The following LPAR3 variants were observed in gnomAD, a reference collection of about 807,000 sequenced individuals.
LPAR3 encodes the protein LPA receptor 3.
A neutral mutation model predicts 17.8 loss-of-function variants in LPAR3; 7 were observed. The observed-to-expected ratio is 0.39, with a 90% CI of 0.22 to 0.74. The LOEUF is 0.74. LPAR3 is among the 30% of genes least tolerant of loss of function. The probability of loss-of-function intolerance (pLI) is 0.40; values close to 1 mark genes in which losing one functional copy is unlikely to be tolerated. For missense variants in LPAR3, 391 were observed against 453.4 expected (o/e 0.86, Z 1.25); for synonymous variants, 179 against 179.9 (o/e 0.99, Z 0.04).
chr1:84,858,638 C>A (rs1039520936), intron 2 of LPAR3, among the ~76,000 whole-genome samples: 2 of 152,092 alleles, frequency 1.3e-5, no homozygotes, highest in African/African-American at 4.8e-5. Flanking sequence ...TTTGAAAAGC[C>A]ACTTACCTTC....
At chr1:84,815,969 A>G (rs1175338976) in intron 2 of LPAR3, among the ~76,000 whole-genome samples, 3 of 152,104 alleles carry the variant, frequency 2.0e-5, no homozygotes, top group Non-Finnish European at 4.4e-5. Flanking sequence ...GAGATAAGAG[A>G]TCAGAGATTT....
At chr1:84,856,699 C>A (rs920918729) in intron 2 of LPAR3, among the ~76,000 whole-genome samples, 1 of 152,192 alleles carries the variant, frequency 6.6e-6, no homozygotes, top group East Asian at 1.9e-4. Context: ...TAGCAGCTGA[C>A]GAACTAGCTA....
At chr1:84,868,724 A>G (rs1281855523) in intron 1 of LPAR3, among the ~76,000 whole-genome samples, 4 of 152,180 alleles carry the variant, frequency 2.6e-5, no homozygotes, top group South Asian at 4.1e-4. Context: ...CCACACTGCC[A>G]TTCAAGGACA....
At position 84,866,148 on chromosome 1, in the gene LPAR3, A is replaced by C; in HGVS notation, c.-18-10T>G. On this transcript the variant is annotated splice_polypyrimidine_tract_variant and intron_variant, in intron 1 of 2. Transcript: ENST00000370611. Reference sequence around the variant, plus strand: ...TGGAGAAGTGAACATCCTAGAAAGAAATTTAAAGAAGAAACAAATATCATT... The same window carrying C: ...TGGAGAAGTGAACATCCTAGAAAGACATTTAAAGAAGAAACAAATATCATT... 6.5e-7 allele frequency: 1 copy of C among 1,534,670 alleles called. No individual in the cohort carries two copies. The highest frequency in any genetic ancestry group is 2.3e-5 in the East Asian group (1 of 44,320).
chr1:84,869,745 A>C, intron 1 of LPAR3, among the ~76,000 whole-genome samples: 1 of 152,240 alleles, frequency 6.6e-6, no homozygotes, highest in Admixed American at 6.5e-5. Context: ...TATTCTACTT[A>C]ATGTATTCTA....
Position 84,819,706 on chromosome 1 carries a change from C to G in LPAR3, c.737-5535G>C, listed in dbSNP as rs565169977. Among the ~76,000 whole-genome samples, 3 of 152,278 alleles carry G rather than the reference C, an allele frequency of 2.0e-5. No homozygotes were observed. The East Asian group carries it at 5.8e-4, about 29-fold the overall frequency. On this transcript the variant is annotated intron_variant, in intron 2 of 2. Coordinates refer to ENST00000370611, the MANE Select transcript of LPAR3 (RefSeq NM_012152.3). ...GAGCACATACGCAAAAATAAATATA[C>G]AAAGAGTGGCAGCAAAAGTAGTCTA...
Position 84,814,283 on chromosome 1 carries a change from T to G in LPAR3, c.737-112A>C, listed in dbSNP as rs914260969. ...CATCAAGGGGCCCTCATGATTTGTT[T>G]TGACAACTGCAAGGCAAACTTCCAC... On this transcript the variant is annotated intron_variant, in intron 2 of 2. Transcript: ENST00000370611. 32 of 845,148 alleles carry G rather than the reference T, an allele frequency of 3.8e-5. No homozygotes were observed. In the South Asian group the frequency reaches 5.2e-4, roughly 14 times the overall value. 52.4% of individuals were successfully genotyped at this position (845,148 alleles called of 1,614,324 possible).
intron 2 of LPAR3, among the ~76,000 whole-genome samples, chr1:84,846,628 C>A (rs1570878927): frequency 1.3e-5 from 2 of 152,112 alleles, no homozygotes; most frequent in East Asian, 3.8e-4. Flanking sequence ...TGTAAGAGGT[C>A]AGTGAGAAGT....
At chr1:84,835,350 T>C (rs1659373500) in intron 2 of LPAR3, among the ~76,000 whole-genome samples, 1 of 152,214 alleles carries the variant, frequency 6.6e-6, no homozygotes, top group Non-Finnish European at 1.5e-5. Context: ...CCCCACAGCA[T>C]TTCTGGTTCA....
intron 2 of LPAR3, among the ~76,000 whole-genome samples, chr1:84,850,075 C>G (rs1193957857): frequency 6.6e-6 from 1 of 152,060 alleles, no homozygotes; most frequent in Non-Finnish European, 1.5e-5. Context: ...GTAAGGGAGC[C>G]AGAGGAGCAT....
intron 2 of LPAR3, among the ~76,000 whole-genome samples, chr1:84,824,926 C>T (rs192623298): frequency 4.9e-4 from 74 of 152,302 alleles, no homozygotes; most frequent in African/African-American, 1.7e-3. Flanking sequence ...CAGTGCTTAG[C>T]CAAATGCTAT....
At chr1:84,842,544 T>C (rs1659522828) in intron 2 of LPAR3, among the ~76,000 whole-genome samples, 1 of 152,248 alleles carries the variant, frequency 6.6e-6, no homozygotes, top group African/African-American at 2.4e-5. Flanking sequence ...TGCACTTAAG[T>C]AGATTAGTTT....
intron 2 of LPAR3, among the ~76,000 whole-genome samples, chr1:84,833,576 G>A (rs1659334405): frequency 6.6e-6 from 1 of 152,208 alleles, no homozygotes; most frequent in Admixed American, 6.5e-5. Flanking sequence ...AACAGCATCG[G>A]TCAGAGGGGC....
At chr1:84,840,637 A>G (rs1351743564) in intron 2 of LPAR3, among the ~76,000 whole-genome samples, 1 of 152,234 alleles carries the variant, frequency 6.6e-6, no homozygotes, top group East Asian at 1.9e-4. Context: ...GAGAATGTTT[A>G]GGACCAAAGA....
intron 1 of LPAR3, among the ~76,000 whole-genome samples, chr1:84,881,208 T>C (rs942682): frequency 0.29 from 44,341 of 151,170 alleles, 7,302 homozygotes; most frequent in African/African-American, 0.44. Flanking sequence ...TTGTGAGGCA[T>C]GGTAGGGGCA....
chr1:84,816,911 T>C (rs1000677035), intron 2 of LPAR3, among the ~76,000 whole-genome samples: 2 of 152,238 alleles, frequency 1.3e-5, no homozygotes, highest in South Asian at 2.1e-4. Flanking sequence ...TCCTCTGCAA[T>C]AGCCCAGGAA....
intron 1 of LPAR3, among the ~76,000 whole-genome samples, chr1:84,875,309 T>C (rs1036416218): frequency 7.9e-5 from 12 of 152,262 alleles, no homozygotes; most frequent in Admixed American, 1.3e-4. Context: ...TCAAAGTGCT[T>C]GTTTATACCA....
intron 1 of LPAR3, among the ~76,000 whole-genome samples, chr1:84,890,596 T>A (rs529580479): frequency 6.6e-6 from 1 of 152,346 alleles, no homozygotes; most frequent in East Asian, 1.9e-4. Flanking sequence ...TGGTCTTCCA[T>A]TTATACTGCA....
intron 2 of LPAR3, among the ~76,000 whole-genome samples, chr1:84,822,585 C>T (rs996801167): frequency 6.6e-6 from 1 of 152,122 alleles, no homozygotes; most frequent in African/African-American, 2.4e-5. Context: ...TGGAAGTTTA[C>T]AAAATACCTC....
Sources: gnomAD v4.1 joint callset for allele counts (sites outside exome capture counted in the v4.1 genomes callset) on GRCh38, gnomAD v4.1.1 for gene constraint, MANE v1.5 for transcripts, NCBI Gene and HGNC (gene_info 2026-07-23, HGNC 2026-07-21) for gene names.